Variants in DPYD observed in about 807,000 individuals in gnomAD.
The protein encoded by DPYD is dihydropyrimidine dehydrogenase [NADP(+)].
In DPYD, 109 loss-of-function variants were observed where a neutral mutation model predicts 116.2. The ratio of observed to expected loss-of-function variants is 0.94; its 90% CI spans 0.80 to 1.10. DPYD has a LOEUF of 1.10. Among genes scored for constraint, DPYD ranks in the 50% least tolerant of loss-of-function variants. The pLI, the probability that DPYD is intolerant of heterozygous loss-of-function variation, is 0.00. For synonymous variants in DPYD, 440 were observed against 432.0 expected (o/e 1.02, Z -0.23); for missense variants, 1,302 against 1,254.5 (o/e 1.04, Z -0.57).
chr1:97,703,719 C>A (rs1214380546), intron 5 of DPYD, among the ~76,000 whole-genome samples: 2 of 151,828 alleles, frequency 1.3e-5, no homozygotes, highest in Non-Finnish European at 1.5e-5. Flanking sequence ...TCCATCACTG[C>A]AAAAATTAAA....
At position 97,193,193 on chromosome 1, in the gene DPYD, C is replaced by T; in HGVS notation, c.2498G>A (p.Gly833Asp). Residue 833 changes from glycine (G) to aspartate (D), a missense_variant, in exon 20 of 23, where the codon GGC (glycine) becomes GAC (aspartate). Physicochemically the swap from Gly to Asp is moderately conservative, Grantham distance 94. Transcript: ENST00000370192. ...TTTCAGATAAAGCAGGGCTTTGAGG[C>T]CAGTGCAGTAGTCTTCGATCACAGT... Reference protein sequence around the residue: ...DFTVIEDYCTGLKALLYLKSI... With the variant: ...DFTVIEDYCTDLKALLYLKSI... The T allele has an allele frequency of 6.2e-7, 1 of 1,613,962 alleles. No homozygotes were observed. The highest frequency in any genetic ancestry group is 8.5e-7 in the Non-Finnish European group (1 of 1,179,954).
chr1:97,267,394 T>C (rs920876685), intron 18 of DPYD, among the ~76,000 whole-genome samples: 1 of 152,166 alleles, frequency 6.6e-6, no homozygotes, highest in Non-Finnish European at 1.5e-5. Context: ...AGGGTATCAG[T>C]GATTGAAGAT....
At chr1:97,115,619 G>A (rs1651909557) in intron 20 of DPYD, among the ~76,000 whole-genome samples, 1 of 152,024 alleles carries the variant, frequency 6.6e-6, no homozygotes. Context: ...TTATAATGAG[G>A]AAAATGTTCT....
chr1:97,616,935 G>T (rs948896357), intron 8 of DPYD, among the ~76,000 whole-genome samples: 1 of 151,998 alleles, frequency 6.6e-6, no homozygotes, highest in Admixed American at 6.6e-5. Flanking sequence ...TGCCGGGCTG[G>T]AGTGCAGTGG....
chr1:97,259,102 G>A (rs892006059), intron 18 of DPYD, among the ~76,000 whole-genome samples: 1 of 152,004 alleles, frequency 6.6e-6, no homozygotes, highest in African/African-American at 2.4e-5. Flanking sequence ...AAACAGCTGA[G>A]CTACTTAAAA....
At chr1:97,798,245 CAT>C (rs1667676786) in intron 3 of DPYD, among the ~76,000 whole-genome samples, 1 of 152,000 alleles carries the variant, frequency 6.6e-6, no homozygotes, top group South Asian at 2.1e-4. Context: ...TCTCCTAATT[CAT>C]ATGTCTGGAT....
chr1:97,258,703 T>C (rs111447553), intron 18 of DPYD, among the ~76,000 whole-genome samples: 2 of 152,256 alleles, frequency 1.3e-5, no homozygotes, highest in African/African-American at 4.8e-5. Context: ...GGACAGTTTC[T>C]TACAGAAGTG....
chr1:97,158,496 C>CACAA (rs1474588105), intron 20 of DPYD, among the ~76,000 whole-genome samples: 4 of 149,942 alleles, frequency 2.7e-5, no homozygotes, highest in African/African-American at 4.9e-5. Context: ...CACACACACA[C>CACAA]ACACACACAC....
chr1:97,484,429 T>A (rs1033783825), intron 13 of DPYD, among the ~76,000 whole-genome samples: 1 of 152,268 alleles, frequency 6.6e-6, no homozygotes, highest in Non-Finnish European at 1.5e-5. Context: ...ATTTTCACTC[T>A]AGAATTTTCT....
chr1:97,596,855 T>A (rs770687467), intron 8 of DPYD, among the ~76,000 whole-genome samples: 5 of 152,208 alleles, frequency 3.3e-5, no homozygotes, highest in Non-Finnish European at 5.9e-5. Context: ...CATAAATGAT[T>A]TTAAAAGAAC....
At chr1:97,152,552 TTAA>T (rs979064290) in intron 20 of DPYD, among the ~76,000 whole-genome samples, 2 of 151,166 alleles carry the variant, frequency 1.3e-5, no homozygotes, top group African/African-American at 2.4e-5. Context: ...AATTATAATA[TTAA>T]TGTCACGTAA....
intron 4 of DPYD, 117 bp from the exon 5 acceptor site, chr1:97,721,788 A>T (rs996968639): frequency 1.0e-6 from 1 of 979,444 alleles, no homozygotes; most frequent in African/African-American, 1.6e-5. Flanking sequence ...TGATGTGTAT[A>T]AGATGCATAG....
intron 20 of DPYD, among the ~76,000 whole-genome samples, chr1:97,171,708 A>T (rs970727427): frequency 6.6e-6 from 1 of 152,316 alleles, no homozygotes; most frequent in African/African-American, 2.4e-5. Context: ...AATAACAACC[A>T]TTGAAGGTTT....
At chr1:97,842,819 C>G (rs761410265) in intron 2 of DPYD, among the ~76,000 whole-genome samples, 1 of 151,980 alleles carries the variant, frequency 6.6e-6, no homozygotes, top group Non-Finnish European at 1.5e-5. Context: ...TTTAAAAGAT[C>G]TCTAAAAAAC....
intron 20 of DPYD, among the ~76,000 whole-genome samples, chr1:97,122,350 G>A (rs1652512877): frequency 6.6e-6 from 1 of 152,152 alleles, no homozygotes; most frequent in Non-Finnish European, 1.5e-5. Context: ...TTTTGTGGCA[G>A]TGATGGGGCT....
intron 13 of DPYD, among the ~76,000 whole-genome samples, chr1:97,454,779 G>A (rs554452119): frequency 1.3e-5 from 2 of 151,856 alleles, no homozygotes; most frequent in South Asian, 4.1e-4. Context: ...ATGTTTCTAT[G>A]GTTACTACTG....
intron 8 of DPYD, among the ~76,000 whole-genome samples, chr1:97,635,633 T>C (rs1657515774): frequency 6.6e-6 from 1 of 152,208 alleles, no homozygotes; most frequent in Non-Finnish European, 1.5e-5. Flanking sequence ...ATACGTCTGC[T>C]AAAATTATTC....
At chr1:97,082,703 C>G (rs970702848) in intron 21 of DPYD, among the ~76,000 whole-genome samples, 2 of 152,084 alleles carry the variant, frequency 1.3e-5, no homozygotes, top group African/African-American at 4.8e-5. Context: ...ACCTAATTAA[C>G]TGCATTCAAT....
At chr1:97,826,802 C>A (rs1358596080) in intron 3 of DPYD, among the ~76,000 whole-genome samples, 2 of 151,956 alleles carry the variant, frequency 1.3e-5, no homozygotes, top group Non-Finnish European at 2.9e-5. Flanking sequence ...GATACAAATT[C>A]TCTATTGTGT....
Sources: gnomAD v4.1 joint callset for allele counts (sites outside exome capture counted in the v4.1 genomes callset) on GRCh38, gnomAD v4.1.1 for gene constraint, MANE v1.5 for transcripts, NCBI Gene and HGNC (gene_info 2026-07-23, HGNC 2026-07-21) for gene names.